KCNJ16: variants seen among roughly 807,000 people sequenced by gnomAD.
The protein encoded by KCNJ16 is potassium inwardly rectifying channel subfamily J member 16, also known as inward rectifier potassium channel 16.
Under a neutral mutation model 18.5 loss-of-function variants are expected in KCNJ16, and 15 were observed. The observed-to-expected ratio is 0.81, with a 90% CI of 0.54 to 1.25. KCNJ16 has a LOEUF of 1.25. KCNJ16 is among the 50% of genes most tolerant of loss of function. The pLI is 0.00. For missense variants in KCNJ16, 523 were observed against 525.7 expected (o/e 0.99, Z 0.05); for synonymous variants, 174 against 186.5 (o/e 0.93, Z 0.55).
At chr17:70,125,668 C>T (rs1036000274) in intron 2 of KCNJ16, among the ~76,000 whole-genome samples, 3 of 152,154 alleles carry the variant, frequency 2.0e-5, no homozygotes, top group African/African-American at 7.2e-5. Context: ...CCGTGGCTCA[C>T]GCCTGTAATC....
At chr17:70,088,308 C>G (rs530922420) in intron 1 of KCNJ16, among the ~76,000 whole-genome samples, 1 of 152,272 alleles carries the variant, frequency 6.6e-6, no homozygotes, top group African/African-American at 2.4e-5. Context: ...AACCTAGATC[C>G]CTCGGATGTG....
chr17:70,095,189 C>T (rs1454036981), intron 1 of KCNJ16, among the ~76,000 whole-genome samples: 5 of 152,194 alleles, frequency 3.3e-5, no homozygotes, highest in African/African-American at 4.8e-5. Context: ...TGCTGTCCCA[C>T]GTAGCATTTA....
At chr17:70,096,937 C>T in intron 1 of KCNJ16, 1 of 398,368 alleles carries the variant, frequency 2.5e-6, no homozygotes, top group Non-Finnish European at 4.4e-6. Flanking sequence ...GTACGTGACA[C>T]AGCCAACTGA....
chr17:70,121,604 G>C (rs2073640910), intron 2 of KCNJ16, among the ~76,000 whole-genome samples: 1 of 152,162 alleles, frequency 6.6e-6, no homozygotes, highest in African/African-American at 2.4e-5. Context: ...AAACTGGAGA[G>C]TTTTAAGCAA....
chr17:70,132,190 C>T lies in KCNJ16; in HGVS notation c.103C>T (p.Arg35Ter), dbSNP rs375990976. The change falls in exon 4 of 4, where the codon CGA becomes TGA. Residue 35 changes from arginine to a stop codon, truncating the protein, a stop_gained. Coordinates refer to ENST00000392671, the MANE Select transcript of KCNJ16 (RefSeq NM_170741.4). LOFTEE classifies it high-confidence loss of function. ...AGCTGAGAAGAGAAGAGCAAGAAGA[C>T]GATTACTTCACAAAGATGGCAGCTG... ...IIAEKRRARR[R>*]LLHKDGSCNV... The T allele has an allele frequency of 8.1e-6, 13 of 1,614,048 alleles. No homozygotes were observed. The highest frequency in any genetic ancestry group is 1.1e-5 in the South Asian group (1 of 91,088).
At chr17:70,085,862 A>G (rs1267072505) in intron 1 of KCNJ16, among the ~76,000 whole-genome samples, 1 of 152,210 alleles carries the variant, frequency 6.6e-6, no homozygotes, top group African/African-American at 2.4e-5. Context: ...CTCAAAATCA[A>G]TAAATACAAA....
intron 1 of KCNJ16, chr17:70,096,598 CATT>C (rs1013000022): frequency 2.3e-5 from 5 of 214,206 alleles, no homozygotes; most frequent in Admixed American, 5.8e-5. Context: ...TAATAACTAT[CATT>C]ATTATTACAT....
chr17:70,080,901 C>T (rs1259965749), intron 1 of KCNJ16, among the ~76,000 whole-genome samples: 1 of 152,186 alleles, frequency 6.6e-6, no homozygotes, highest in Non-Finnish European at 1.5e-5. Flanking sequence ...TCAAGATTTT[C>T]CTATACTGAA....
At chr17:70,104,481 T>C (rs2072817299) in intron 2 of KCNJ16, among the ~76,000 whole-genome samples, 2 of 152,180 alleles carry the variant, frequency 1.3e-5, no homozygotes, top group Admixed American at 1.3e-4. Context: ...GCCATAGGTA[T>C]AGGGTTACAT....
intron 3 of KCNJ16, among the ~76,000 whole-genome samples, chr17:70,131,684 G>A (rs2074062597): frequency 6.6e-6 from 1 of 152,144 alleles, no homozygotes; most frequent in Non-Finnish European, 1.5e-5. Flanking sequence ...TGCAAGAATA[G>A]TTTACAAAAA....
chr17:70,126,505 A>G (rs2144218182), intron 2 of KCNJ16, among the ~76,000 whole-genome samples: 1 of 152,314 alleles, frequency 6.6e-6, no homozygotes, highest in East Asian at 1.9e-4. Flanking sequence ...CCCATTCATT[A>G]TCTCATTCAA....
intron 1 of KCNJ16, among the ~76,000 whole-genome samples, chr17:70,082,708 A>G (rs1357551776): frequency 2.6e-5 from 4 of 152,116 alleles, no homozygotes; most frequent in African/African-American, 9.7e-5. Flanking sequence ...CACTATCTTT[A>G]TGGAGTAGGT....
intron 1 of KCNJ16, among the ~76,000 whole-genome samples, chr17:70,098,548 A>C (rs2072485540): frequency 6.6e-6 from 1 of 152,174 alleles, no homozygotes; most frequent in South Asian, 2.1e-4. Flanking sequence ...AAAAAAAAAA[A>C]AACCTTTATG....
intron 1 of KCNJ16, among the ~76,000 whole-genome samples, chr17:70,086,576 C>T (rs1469589320): frequency 2.0e-5 from 3 of 152,014 alleles, no homozygotes; most frequent in Admixed American, 6.6e-5. Flanking sequence ...TGGAAGAATG[C>T]CTCTTGAAGA....
rs1313091294 is a variant in KCNJ16, at chr17:70,134,508, CTG to C, written c.*1165_*1166del. On this transcript the variant is annotated 3_prime_UTR_variant, in exon 4 of 4. Coordinates refer to ENST00000392671, the MANE Select transcript of KCNJ16 (RefSeq NM_170741.4). ...TTTGAATGCACAGTAAGTGGATAAT[CTG>C]AGTACAATGAAATTTCTTAAGTTTT... is the stretch of plus-strand genomic sequence containing the variant. 1 of 166,900 alleles carries C rather than the reference CTG, an allele frequency of 6.0e-6. No individual in the cohort carries two copies. Among genetic ancestry groups the C allele is most frequent in the Non-Finnish European group, 1.5e-5 (1 of 68,100 alleles). The allele number at this position is 166,900 out of a possible 1,614,324, so 10.3% of individuals were successfully genotyped here.
chr17:70,098,353 CATAAAA>C (rs2072474392), intron 1 of KCNJ16, among the ~76,000 whole-genome samples: 1 of 152,046 alleles, frequency 6.6e-6, no homozygotes, highest in African/African-American at 2.4e-5. Flanking sequence ...AAAGGCTAAA[CATAAAA>C]ATAATTTTAT....
At chr17:70,095,494 C>A (rs1032475895) in intron 1 of KCNJ16, among the ~76,000 whole-genome samples, 19 of 152,176 alleles carry the variant, frequency 1.2e-4, no homozygotes, top group African/African-American at 3.6e-4. Flanking sequence ...GCTTCCTCAG[C>A]CAACAGCTTT....
intron 2 of KCNJ16, among the ~76,000 whole-genome samples, chr17:70,109,492 T>C (rs139678245): frequency 1.1e-3 from 173 of 152,290 alleles, no homozygotes; most frequent in Middle Eastern, 3.4e-3. Context: ...CTTAGCTACA[T>C]AAATATCTAC....
intron 2 of KCNJ16, among the ~76,000 whole-genome samples, chr17:70,111,799 T>A (rs1222255980): frequency 6.6e-6 from 1 of 152,192 alleles, no homozygotes; most frequent in East Asian, 1.9e-4. Context: ...TTTGCTTGGC[T>A]CTCATTCTCT....
Sources: gnomAD v4.1 joint callset for allele counts (sites outside exome capture counted in the v4.1 genomes callset) on GRCh38, gnomAD v4.1.1 for gene constraint, MANE v1.5 for transcripts, NCBI Gene and HGNC (gene_info 2026-07-23, HGNC 2026-07-21) for gene names.